Variants in POLE2 observed in about 807,000 individuals in gnomAD.
POLE2 encodes DNA polymerase epsilon 2, accessory subunit.
In POLE2, 56 loss-of-function variants were observed where a neutral mutation model predicts 79.4. That is an observed-to-expected ratio of 0.71 (90% CI 0.57 to 0.88). The LOEUF is 0.88. Ranked by LOEUF, POLE2 falls within the 40% of genes least tolerant of loss-of-function variation. The probability of loss-of-function intolerance (pLI) is 0.00; values close to 1 mark genes in which losing one functional copy is unlikely to be tolerated. For missense variants in POLE2, 598 were observed against 638.9 expected (o/e 0.94, Z 0.69); for synonymous variants, 212 against 214.0 (o/e 0.99, Z 0.08).
At chr14:49,651,879 A>C (rs568620259) in intron 15 of POLE2, among the ~76,000 whole-genome samples, 1 of 152,146 alleles carries the variant, frequency 6.6e-6, no homozygotes, top group African/African-American at 2.4e-5. Context: ...ACTGCAGGCA[A>C]AGGGAACAGA....
Position 49,654,021 on chromosome 14 carries a change from G to C in POLE2, c.1180C>G (p.Pro394Ala). The change falls in exon 15 of 19, where the codon CCA (proline) becomes GCA (alanine). Residue 394 changes from proline to alanine, a missense_variant. Pro to Ala is a conservative substitution (Grantham distance 27, BLOSUM62 -1). Coordinates refer to ENST00000216367, the MANE Select transcript of POLE2 (RefSeq NM_002692.4). ...SITNEFRQRV[P>A]FSVFTTNPCR... ...GGATTAGTAGTAAAAACTGAAAATG[G>C]TACCCTTTGTCTGAATTCATTAGTG... 1 of 1,595,216 alleles carries C rather than the reference G, an allele frequency of 6.3e-7. No homozygotes were observed. Among genetic ancestry groups the C allele is most frequent in the Non-Finnish European group, 8.6e-7 (1 of 1,163,626 alleles).
chr14:49,648,077 C>T (rs1237925985), intron 17 of POLE2, among the ~76,000 whole-genome samples: 1 of 152,196 alleles, frequency 6.6e-6, no homozygotes, highest in Non-Finnish European at 1.5e-5. Flanking sequence ...TAATGCAAAA[C>T]TGATTTGCAT....
rs1566574193 is a variant in POLE2, at chr14:49,683,605, C to G, written c.157G>C (p.Glu53Gln). 2 of 1,534,484 alleles carry G rather than the reference C, an allele frequency of 1.3e-6. No homozygotes were observed. The highest frequency in any genetic ancestry group is 1.8e-6 in the Non-Finnish European group (2 of 1,110,456). Residue 53 changes from glutamate to glutamine, a missense_variant, in exon 2 of 19, where the codon GAG (glutamate) becomes CAG (glutamine). Transcript: ENST00000216367. The stretch of plus-strand genomic sequence containing the variant: ...AAATATTACTTACAGGGTTGCTTCT[C>G]AACTGCATTAATTATCTTTTCCAGT... ...DKLEKIINAVEKQPLSSNMIE... is the reference protein window; with the variant it reads ...DKLEKIINAVQKQPLSSNMIE...
chr14:49,670,017 G>A (rs2139661354), intron 5 of POLE2, among the ~76,000 whole-genome samples: 1 of 152,108 alleles, frequency 6.6e-6, no homozygotes, highest in Admixed American at 6.6e-5. Flanking sequence ...AAAGGAGTCT[G>A]AGATAAGACA....
chr14:49,670,628 G>A (rs1341752471), intron 5 of POLE2, among the ~76,000 whole-genome samples: 1 of 152,172 alleles, frequency 6.6e-6, no homozygotes, highest in Non-Finnish European at 1.5e-5. Flanking sequence ...TTCAAGGTAG[G>A]CTCAAAAGAG....
At chr14:49,654,368 A>C in intron 13 of POLE2, 154 bp from the exon 14 acceptor site, 1 of 628,140 alleles carries the variant, frequency 1.6e-6, no homozygotes. Flanking sequence ...CTCCAGACCA[A>C]CACTGTCTAG....
At chr14:49,681,115 C>G (rs552993824) in intron 2 of POLE2, among the ~76,000 whole-genome samples, 28 of 152,106 alleles carry the variant, frequency 1.8e-4, no homozygotes, top group Non-Finnish European at 3.4e-4. Context: ...GCCTTTTATG[C>G]TAAGATAAAG....
At chr14:49,686,435 C>T (rs1373339369) in intron 1 of POLE2, among the ~76,000 whole-genome samples, 5 of 152,262 alleles carry the variant, frequency 3.3e-5, no homozygotes, top group South Asian at 2.1e-4. Context: ...TGAATCCTGC[C>T]AACAACTGAA....
intron 10 of POLE2, 55 bp from the exon 11 acceptor site, chr14:49,655,898 T>C: frequency 1.1e-6 from 1 of 913,008 alleles, no homozygotes; most frequent in East Asian, 2.6e-5. Context: ...ATTTTTCTAA[T>C]AGTTGTATAC....
At chr14:49,687,026 G>A (rs995184976) in intron 1 of POLE2, among the ~76,000 whole-genome samples, 12 of 152,112 alleles carry the variant, frequency 7.9e-5, no homozygotes, top group Non-Finnish European at 1.5e-4. Flanking sequence ...GTTCACGCCT[G>A]TAATTCCAGC....
At chr14:49,653,719 C>G (rs976304562) in intron 15 of POLE2, among the ~76,000 whole-genome samples, 1 of 151,978 alleles carries the variant, frequency 6.6e-6, no homozygotes, top group African/African-American at 2.4e-5. Flanking sequence ...AGTGCATTCT[C>G]AGCTCACAGC....
At chr14:49,681,660 G>C (rs1460610342) in intron 2 of POLE2, among the ~76,000 whole-genome samples, 2 of 152,050 alleles carry the variant, frequency 1.3e-5, no homozygotes, top group Non-Finnish European at 2.9e-5. Flanking sequence ...TGTAGTCCCA[G>C]CTACTCAGGA....
rs768078630 is a variant in POLE2 at position 49,665,154 on chromosome 14, A to G, written c.586T>C (p.Phe196Leu). The change falls in exon 8 of 19, where the codon TTT (phenylalanine) becomes CTT (leucine). Residue 196 changes from phenylalanine (F) to leucine (L), a missense_variant. Physicochemically the swap from Phe to Leu is conservative, Grantham distance 22. Coordinates refer to ENST00000216367, the MANE Select transcript of POLE2 (RefSeq NM_002692.4). ...ACTGTTCCAGTAGGATCTTCCAGAA[A>G]AAATTTTCCCTAAAAAAATGAAAAT... Reference protein sequence around the residue: ...MITQLKEGKFFLEDPTGTVQL... With the variant: ...MITQLKEGKFLLEDPTGTVQL... 6 of 1,363,838 alleles carry G rather than the reference A, an allele frequency of 4.4e-6. No individual in the cohort carries two copies. Among genetic ancestry groups the G allele is most frequent in the South Asian group, 1.2e-5 (1 of 84,784 alleles). 84.5% of individuals were successfully genotyped at this position (1,363,838 alleles called of 1,614,324 possible).
At chr14:49,679,188 A>G (rs1463192599) in intron 3 of POLE2, among the ~76,000 whole-genome samples, 2 of 150,668 alleles carry the variant, frequency 1.3e-5, no homozygotes, top group Non-Finnish European at 2.9e-5. Context: ...GTTAAATGCC[A>G]TCAATTTGTA....
At chr14:49,653,639 G>GT (rs1361720816) in intron 15 of POLE2, among the ~76,000 whole-genome samples, 2 of 151,084 alleles carry the variant, frequency 1.3e-5, no homozygotes, top group Non-Finnish European at 3.0e-5. Context: ...TGTTTTTTTT[G>GT]TTTTTTTGTT....
rs866210945 is a variant in POLE2 at position 49,656,370 on chromosome 14, A to G, written c.756-527T>C. On this transcript the variant is annotated intron_variant, in intron 10 of 18. Coordinates refer to ENST00000216367, the MANE Select transcript of POLE2 (RefSeq NM_002692.4). ...CTCTTGTCTCAAAAAAAAAAAAAAA[A>G]AACTGACTAAAGCAAACATTAAAAT... Among the ~76,000 whole-genome samples the G allele has an allele frequency of 3.5e-3, 527 of 152,148 alleles. 7 individuals carry two copies. Among genetic ancestry groups the G allele is most frequent in the South Asian group, 6.2e-3 (30 of 4,830 alleles).
rs745902670 is a variant in POLE2 at position 49,666,405 on chromosome 14, T to G, written c.501A>C (p.Thr167=). The change falls in exon 7 of 19, where the codon ACA becomes ACC. Residue 167 remains threonine (T), a synonymous_variant. Coordinates refer to ENST00000216367, the MANE Select transcript of POLE2 (RefSeq NM_002692.4). ...TTGTACTACCCAATAAGGTTTCTAT[T>G]GTTTTAAGCTAAAATAAAACAAAAT... ...DESGSKFQLK[T]IETLLGSTTK... 1 of 1,416,034 alleles carries G rather than the reference T, an allele frequency of 7.1e-7. No homozygotes were observed. Among genetic ancestry groups the G allele is most frequent in the African/African-American group, 1.5e-5 (1 of 67,616 alleles). 87.7% of individuals were successfully genotyped at this position (1,416,034 alleles called of 1,614,324 possible). A position where few individuals can be genotyped will look rare whatever the true frequency, so the allele number is the denominator to read the frequency against.
At chr14:49,672,560 C>A (rs1172436409) in intron 5 of POLE2, among the ~76,000 whole-genome samples, 1 of 150,800 alleles carries the variant, frequency 6.6e-6, no homozygotes, top group Admixed American at 6.6e-5. Context: ...AGTGCAATGG[C>A]GCCATCTTGG....
In POLE2 at chr14:49,674,148, C is replaced by T. The variant is rs145759008; in HGVS notation, c.392G>A (p.Arg131His). The change falls in exon 5 of 19, where the codon CGT becomes CAT. Residue 131 changes from arginine to histidine, a missense_variant. By Grantham distance (29) the Arg-to-His change is conservative. Coordinates refer to ENST00000216367, the MANE Select transcript of POLE2 (RefSeq NM_002692.4). ...CTGGTGCAAAATGGTATATCGCTCA[C>T]GAAACATCTCTGCTTTATCTCTTGG... Reference protein sequence around the residue: ...GTPRDKAEMFRERYTILHQRT... With the variant: ...GTPRDKAEMFHERYTILHQRT... The T allele has an allele frequency of 2.0e-5, 32 of 1,612,750 alleles. No homozygotes were observed. The highest frequency in any genetic ancestry group is 6.7e-5 in the Admixed American group (4 of 59,984).
Sources: allele counts gnomAD v4.1 joint callset (sites outside exome capture counted in the v4.1 genomes callset), GRCh38; gene constraint gnomAD v4.1.1; transcripts MANE v1.5; gene names NCBI Gene and HGNC (gene_info 2026-07-23, HGNC 2026-07-21).